The following CSMD1 variants were observed in gnomAD, a reference collection of about 807,000 sequenced individuals.
CSMD1 encodes the protein CUB and Sushi multiple domains 1.
In CSMD1, 213 loss-of-function variants were observed where a neutral mutation model predicts 417.5. The observed-to-expected ratio is 0.51, with a 90% CI of 0.46 to 0.57. The LOEUF (loss-of-function observed/expected upper bound fraction) is 0.57, where lower values mean the gene tolerates loss of function less well. Ranked by LOEUF, CSMD1 falls within the 20% of genes least tolerant of loss-of-function variation. The pLI is 0.00. For synonymous variants in CSMD1, 2,862 were observed against 1,736.8 expected (o/e 1.65, Z -16.11); for missense variants, 6,923 against 4,529.7 (o/e 1.53, Z -15.17).
At chr8:3,052,917 G>C (rs1811962161) in intron 49 of CSMD1, among the ~76,000 whole-genome samples, 3 of 151,778 alleles carry the variant, frequency 2.0e-5, no homozygotes, top group African/African-American at 7.3e-5. Context: ...AGCTTCCCAA[G>C]CAGCTGAGAT....
chr8:3,959,808 C>A (rs1812201254), intron 5 of CSMD1, among the ~76,000 whole-genome samples: 1 of 152,166 alleles, frequency 6.6e-6, no homozygotes, highest in African/African-American at 2.4e-5. Context: ...GACCTGTTAG[C>A]ACCTTCTGGC....
intron 3 of CSMD1, among the ~76,000 whole-genome samples, chr8:4,317,276 A>C (rs1270753981): frequency 1.3e-5 from 2 of 152,210 alleles, no homozygotes; most frequent in Non-Finnish European, 2.9e-5. Flanking sequence ...TTTTAAAAGA[A>C]AGCTGAAAGC....
chr8:3,615,161 G>C (rs948824067), intron 8 of CSMD1, among the ~76,000 whole-genome samples: 1 of 152,050 alleles, frequency 6.6e-6, no homozygotes, highest in Admixed American at 6.6e-5. Flanking sequence ...TCACTGCATT[G>C]CTAATAACTG....
intron 3 of CSMD1, among the ~76,000 whole-genome samples, chr8:4,236,804 T>G (rs1802092882): frequency 6.6e-6 from 1 of 152,204 alleles, no homozygotes; most frequent in African/African-American, 2.4e-5. Context: ...GTAGCCCAAA[T>G]TATTAAGTCT....
chr8:4,823,830 G>C (rs760947292), intron 1 of CSMD1, among the ~76,000 whole-genome samples: 1 of 151,926 alleles, frequency 6.6e-6, no homozygotes, highest in Non-Finnish European at 1.5e-5. Flanking sequence ...AGCTCACAGA[G>C]GTTGAAGATA....
intron 5 of CSMD1, among the ~76,000 whole-genome samples, chr8:3,989,391 C>T (rs77766719): frequency 0.036 from 5,426 of 152,194 alleles, 126 homozygotes; most frequent in African/African-American, 0.058. Context: ...AATGAAAAAA[C>T]GACAGAGGAC....
intron 3 of CSMD1, among the ~76,000 whole-genome samples, chr8:4,160,253 G>C (rs868276698): frequency 2.6e-5 from 4 of 152,156 alleles, no homozygotes; most frequent in South Asian, 4.1e-4. Context: ...TTATCATAAA[G>C]TAACACAAAA....
At chr8:4,141,284 G>A (rs368644178) in intron 3 of CSMD1, among the ~76,000 whole-genome samples, 2 of 151,136 alleles carry the variant, frequency 1.3e-5, no homozygotes, top group Admixed American at 1.3e-4. Context: ...TTCAGGTAGT[G>A]AAAAATCCGT....
chr8:4,947,069 G>C (rs1356327125), intron 1 of CSMD1, among the ~76,000 whole-genome samples: 1 of 152,090 alleles, frequency 6.6e-6, no homozygotes, highest in African/African-American at 2.4e-5. Flanking sequence ...TACAGAATTT[G>C]TAATAGGATA....
chr8:4,528,926 T>C (rs1037361660), intron 2 of CSMD1, among the ~76,000 whole-genome samples: 2 of 152,060 alleles, frequency 1.3e-5, no homozygotes, highest in African/African-American at 4.8e-5. Flanking sequence ...GTTCAAGGAG[T>C]CATCTAAAAT....
At chr8:4,829,058 GT>G (rs1191973898) in intron 1 of CSMD1, among the ~76,000 whole-genome samples, 1 of 152,050 alleles carries the variant, frequency 6.6e-6, no homozygotes, top group African/African-American at 2.4e-5. Context: ...AACTTAATAG[GT>G]TACCTTTCTC....
rs191280722 is a variant in CSMD1, at chr8:3,302,057, G to T, written c.3950+5638C>A. Among the ~76,000 whole-genome samples the T allele has an allele frequency of 4.6e-5, 7 of 152,108 alleles. No homozygotes were observed. The East Asian group carries it at 1.4e-3, about 29-fold the overall frequency. On this transcript the variant is annotated intron_variant, in intron 25 of 69. Coordinates refer to ENST00000635120, the MANE Select transcript of CSMD1 (RefSeq NM_033225.6). ...GAAATTATTGGATATTGAGGGAGGA[G>T]AAATAAGCAACAGCAGAGCATAACA...
At chr8:4,086,597 C>G (rs1162560239) in intron 3 of CSMD1, among the ~76,000 whole-genome samples, 1 of 152,166 alleles carries the variant, frequency 6.6e-6, no homozygotes, top group African/African-American at 2.4e-5. Context: ...GCAGCTTAAC[C>G]TTGAATAAAG....
At position 4,448,244 on chromosome 8, in the gene CSMD1, A is replaced by G. The variant is rs193012322; in HGVS notation, c.303-28179T>C. Among the ~76,000 whole-genome samples the G allele has an allele frequency of 1.7e-3, 265 of 152,346 alleles. 2 individuals are homozygous for G. Among genetic ancestry groups the G allele is most frequent in the Non-Finnish European group, 2.2e-3 (152 of 68,032 alleles). ...TCATCTTTATTCAGGTGAAGGAATCAAAAGCCCATTTAGCAAAGCATTTCC... is the reference window on the plus strand; with the variant it reads ...TCATCTTTATTCAGGTGAAGGAATCGAAAGCCCATTTAGCAAAGCATTTCC... On this transcript the variant is annotated intron_variant, in intron 2 of 69. Transcript: ENST00000635120.
chr8:3,511,781 A>G (rs1215422283), intron 10 of CSMD1, among the ~76,000 whole-genome samples: 1 of 136,122 alleles, frequency 7.3e-6, no homozygotes, highest in African/African-American at 2.7e-5. Context: ...ACATAACATA[A>G]CATAACATAA....
intron 7 of CSMD1, among the ~76,000 whole-genome samples, chr8:3,674,320 T>C (rs970535095): frequency 6.6e-6 from 1 of 152,194 alleles, no homozygotes; most frequent in Non-Finnish European, 1.5e-5. Flanking sequence ...TCTTTGAACT[T>C]ACCATGTAAA....
chr8:4,337,241 C>G (rs968266895), intron 3 of CSMD1, among the ~76,000 whole-genome samples: 2 of 152,078 alleles, frequency 1.3e-5, no homozygotes, highest in Non-Finnish European at 2.9e-5. Flanking sequence ...AACTCCACTG[C>G]CTGATAAAAC....
intron 5 of CSMD1, among the ~76,000 whole-genome samples, chr8:3,779,977 A>C (rs1466421648): frequency 6.6e-6 from 1 of 152,210 alleles, no homozygotes; most frequent in Non-Finnish European, 1.5e-5. Context: ...CAACCAAAAG[A>C]ATGTGAACTT....
At chr8:4,534,860 T>G (rs958804395) in intron 2 of CSMD1, among the ~76,000 whole-genome samples, 1 of 152,140 alleles carries the variant, frequency 6.6e-6, no homozygotes, top group African/African-American at 2.4e-5. Flanking sequence ...CCTCCCGGGT[T>G]CATGTCACTC....
Sources: allele counts gnomAD v4.1 joint callset (sites outside exome capture counted in the v4.1 genomes callset), GRCh38; gene constraint gnomAD v4.1.1; transcripts MANE v1.5; gene names NCBI Gene and HGNC (gene_info 2026-07-23, HGNC 2026-07-21).